Variants in CFAP61 observed in about 807,000 individuals in gnomAD.
CFAP61 encodes the protein cilia- and flagella-associated protein 61.
In CFAP61, 107 loss-of-function variants were observed where a neutral mutation model predicts 135.6. That is an observed-to-expected ratio of 0.79 (90% CI 0.67 to 0.93). The LOEUF (loss-of-function observed/expected upper bound fraction) is 0.93, where lower values mean the gene tolerates loss of function less well. CFAP61 is among the 40% of genes least tolerant of loss of function. The pLI is 0.00. For missense variants in CFAP61, 1,507 were observed against 1,556.2 expected (o/e 0.97, Z 0.53); for synonymous variants, 575 against 578.5 (o/e 0.99, Z 0.09).
intron 9 of CFAP61, among the ~76,000 whole-genome samples, chr20:20,157,290 C>G (rs770664654): frequency 1.3e-5 from 2 of 152,166 alleles, no homozygotes; most frequent in Non-Finnish European, 2.9e-5. Flanking sequence ...CCAGGCTGGT[C>G]TTGAACTTTC....
At chr20:20,165,298 C>T (rs2053737498) in intron 11 of CFAP61, among the ~76,000 whole-genome samples, 1 of 152,216 alleles carries the variant, frequency 6.6e-6, no homozygotes, top group African/African-American at 2.4e-5. Context: ...ACGGCTGTGA[C>T]AAGCCCATGC....
At chr20:20,070,104 A>G (rs6136936) in intron 2 of CFAP61, among the ~76,000 whole-genome samples, 21,250 of 152,164 alleles carry the variant, frequency 0.14, 1,879 homozygotes, top group African/African-American at 0.24. Context: ...ACAGGGTAGC[A>G]GTTGGGAGGG....
intron 19 of CFAP61, among the ~76,000 whole-genome samples, chr20:20,246,766 A>G (rs187638718): frequency 3.2e-3 from 486 of 152,348 alleles, no homozygotes; most frequent in Non-Finnish European, 5.6e-3. Flanking sequence ...GGCTACAAGA[A>G]ATATTAGTTT....
intron 8 of CFAP61, among the ~76,000 whole-genome samples, chr20:20,119,656 T>C (rs753351275): frequency 6.6e-6 from 1 of 152,168 alleles, no homozygotes; most frequent in Non-Finnish European, 1.5e-5. Context: ...TTTTAAACTT[T>C]TAAGTTCAGG....
intron 8 of CFAP61, among the ~76,000 whole-genome samples, chr20:20,139,254 G>A (rs965568651): frequency 1.3e-5 from 2 of 152,210 alleles, no homozygotes; most frequent in African/African-American, 2.4e-5. Flanking sequence ...CCTTTTTAAG[G>A]AGAGTAATGC....
At chr20:20,130,041 A>G (rs1249545771) in intron 8 of CFAP61, among the ~76,000 whole-genome samples, 2 of 151,624 alleles carry the variant, frequency 1.3e-5, no homozygotes, top group East Asian at 3.9e-4. Context: ...TGTAATCACA[A>G]CACTTTGGGA....
chr20:20,267,531 G>A (rs1356598681), intron 21 of CFAP61: 1 of 152,514 alleles, frequency 6.6e-6, no homozygotes, highest in Non-Finnish European at 1.5e-5. Flanking sequence ...AGGCAGCTGT[G>A]GATGCAGGAG....
chr20:20,159,226 C>A, intron 9 of CFAP61, 144 bp from the exon 10 acceptor site: 1 of 659,374 alleles, frequency 1.5e-6, no homozygotes. Context: ...GAGGAGGAAA[C>A]TGAGGTTACA....
chr20:20,156,214 A>G (rs891451209), intron 9 of CFAP61, among the ~76,000 whole-genome samples: 2 of 152,178 alleles, frequency 1.3e-5, no homozygotes, highest in African/African-American at 2.4e-5. Flanking sequence ...AAGGATAATC[A>G]TGACTGAGTA....
rs1275003451 is a variant in CFAP61 at position 20,315,488 on chromosome 20, G to A, written c.3422+17102G>A. On this transcript the variant is annotated intron_variant, in intron 25 of 26. Coordinates refer to ENST00000245957, the MANE Select transcript of CFAP61 (RefSeq NM_015585.4). ...AAAATTTTCTCGCATTGTGTAGGTT[G>A]CCTGTTCACTCTGATGGTAGTTTCT... Among the ~76,000 whole-genome samples, 5 of 152,264 alleles carry A rather than the reference G, an allele frequency of 3.3e-5. No homozygotes were observed. In the South Asian group the frequency reaches 1.0e-3, roughly 32 times the overall value.
intron 17 of CFAP61, among the ~76,000 whole-genome samples, chr20:20,219,713 A>T (rs1284933442): frequency 1.3e-5 from 2 of 152,212 alleles, no homozygotes; most frequent in Non-Finnish European, 2.9e-5. Context: ...TTTACCACAG[A>T]TTAGTTCATA....
intron 2 of CFAP61, among the ~76,000 whole-genome samples, chr20:20,065,805 A>C (rs992270505): frequency 6.6e-6 from 1 of 152,160 alleles, no homozygotes; most frequent in Non-Finnish European, 1.5e-5. Context: ...GTCCAGTGCA[A>C]ATAGCACAGT....
At chr20:20,068,964 C>T (rs981416301) in intron 2 of CFAP61, among the ~76,000 whole-genome samples, 2 of 152,146 alleles carry the variant, frequency 1.3e-5, no homozygotes, top group Non-Finnish European at 2.9e-5. Context: ...AGAATGGTCT[C>T]GAACTCTTGA....
intron 22 of CFAP61, 55 bp from the exon 23 acceptor site, chr20:20,288,554 G>A (rs1393730140): frequency 2.9e-6 from 4 of 1,393,256 alleles, no homozygotes; most frequent in African/African-American, 1.4e-5. Flanking sequence ...CACACTTTTG[G>A]GAAGGTAAAA....
intron 6 of CFAP61, among the ~76,000 whole-genome samples, chr20:20,082,072 C>T (rs574150430): frequency 1.3e-5 from 2 of 152,300 alleles, no homozygotes; most frequent in East Asian, 3.9e-4. Context: ...TGTGGACTAC[C>T]TCCCTCCTTA....
chr20:20,290,366 AG>A lies in CFAP61; in HGVS notation c.3193del (p.Val1065TyrfsTer10). ...IAKPAIPTPLEVQMAQPNYGL... is the reference protein window; with the variant it reads ...IAKPAIPTPLXVQMAQPNYGL... ...AAGCCTGCCATTCCAACTCCCTTGG[AG>A]GTACAAATGGCACAGCCTAATTATG... On this transcript the variant is annotated frameshift_variant, in exon 24 of 27. Transcript: ENST00000245957. LOFTEE classifies it high-confidence loss of function. 6.2e-7 allele frequency: 1 copy of A among 1,610,316 alleles called. No homozygotes were observed.
intron 17 of CFAP61, among the ~76,000 whole-genome samples, chr20:20,203,762 T>A (rs2056737843): frequency 2.0e-5 from 3 of 152,144 alleles, no homozygotes; most frequent in Non-Finnish European, 4.4e-5. Context: ...TTTCTGCCTT[T>A]TATAGGGATT....
Position 20,240,327 on chromosome 20 carries a change from AAC to A in CFAP61, c.2061-5788_2061-5787del, listed in dbSNP as rs1395420029. On this transcript the variant is annotated intron_variant, in intron 18 of 26. Coordinates refer to ENST00000245957, the MANE Select transcript of CFAP61 (RefSeq NM_015585.4). The stretch of plus-strand genomic sequence containing the variant: ...TGGACAAAGGAGGAGGAGCTGGTAA[AAC>A]AGTCATGAAAGACAGCCTCAAGACA... Among the ~76,000 whole-genome samples, 5 of 152,220 alleles carry A rather than the reference AAC, an allele frequency of 3.3e-5. No individual in the cohort carries two copies. In the East Asian group the frequency reaches 9.7e-4, roughly 29 times the overall value.
At chr20:20,300,448 T>C (rs1248937759) in intron 25 of CFAP61, among the ~76,000 whole-genome samples, 1 of 152,194 alleles carries the variant, frequency 6.6e-6, no homozygotes, top group Non-Finnish European at 1.5e-5. Flanking sequence ...TTGATGATCC[T>C]GACCCTGCAG....
Sources: gnomAD v4.1 joint callset for allele counts (sites outside exome capture counted in the v4.1 genomes callset) on GRCh38, gnomAD v4.1.1 for gene constraint, MANE v1.5 for transcripts, NCBI Gene and HGNC (gene_info 2026-07-23, HGNC 2026-07-21) for gene names.